GABRA1: variants seen among roughly 807,000 people sequenced by gnomAD.
The protein encoded by GABRA1 is gamma-aminobutyric acid type A receptor subunit alpha1.
A neutral mutation model predicts 48.9 loss-of-function variants in GABRA1; 9 were observed. The ratio of observed to expected loss-of-function variants is 0.18; its 90% CI spans 0.11 to 0.32. The LOEUF (loss-of-function observed/expected upper bound fraction) is 0.32. GABRA1 is among the 10% of genes least tolerant of loss of function. The probability of loss-of-function intolerance (pLI) is 1.00; values close to 1 mark genes in which losing one functional copy is unlikely to be tolerated. For synonymous variants in GABRA1, 210 were observed against 198.7 expected (o/e 1.06, Z -0.48); for missense variants, 285 against 553.8 (o/e 0.51, Z 4.87).
intron 3 of GABRA1, among the ~76,000 whole-genome samples, 165 bp from the exon 4 acceptor site, chr5:161,865,555 GA>G (rs1753797056): frequency 6.6e-6 from 1 of 152,042 alleles, no homozygotes; most frequent in South Asian, 2.1e-4. Flanking sequence ...TATTAACTGT[GA>G]AATTTTATGT....
chr5:161,881,132 T>A (rs1444197389), intron 6 of GABRA1, among the ~76,000 whole-genome samples: 1 of 152,218 alleles, frequency 6.6e-6, no homozygotes, highest in African/African-American at 2.4e-5. Context: ...TCAGGCCCTG[T>A]GCCTAATGGA....
At chr5:161,881,902 GA>G (rs1355328689) in intron 6 of GABRA1, 735 of 58,176 alleles carry the variant, frequency 0.013, 5 homozygotes, top group African/African-American at 0.035. Context: ...ATCAAAAAAA[GA>G]AAAAAAAAAA....
chr5:161,882,173 T>C (rs78969399), intron 6 of GABRA1: 21,759 of 287,270 alleles, frequency 0.076, 1,064 homozygotes, highest in Middle Eastern at 0.12. Context: ...TCTATCCTTT[T>C]ACTCGGTTGT....
At chr5:161,866,821 G>A (rs1014461415) in intron 4 of GABRA1, among the ~76,000 whole-genome samples, 3 of 152,074 alleles carry the variant, frequency 2.0e-5, no homozygotes, top group African/African-American at 7.2e-5. Context: ...AGATATTTTA[G>A]ATTTTAAGAC....
intron 8 of GABRA1, among the ~76,000 whole-genome samples, chr5:161,893,500 A>G (rs1755213648): frequency 6.6e-6 from 1 of 152,054 alleles, no homozygotes; most frequent in South Asian, 2.1e-4. Flanking sequence ...TAGATTCAAA[A>G]AGAAAAAAAC....
chr5:161,873,597 T>TCCTC (rs1476333860), intron 5 of GABRA1, among the ~76,000 whole-genome samples: 3 of 152,186 alleles, frequency 2.0e-5, no homozygotes, highest in Non-Finnish European at 4.4e-5. Context: ...ATAAGGAACT[T>TCCTC]CCTCTCCCTA....
At chr5:161,851,245 A>G (rs1219266822) in intron 2 of GABRA1, among the ~76,000 whole-genome samples, 1 of 152,138 alleles carries the variant, frequency 6.6e-6, no homozygotes, top group Non-Finnish European at 1.5e-5. Flanking sequence ...CAACAAGAAA[A>G]TTTCTAGCCT....
At chr5:161,864,169 G>A (rs1757965264) in intron 3 of GABRA1, among the ~76,000 whole-genome samples, 1 of 151,722 alleles carries the variant, frequency 6.6e-6, no homozygotes. Context: ...TACATCAAGG[G>A]GCTCATTTAA....
intron 3 of GABRA1, among the ~76,000 whole-genome samples, chr5:161,857,486 A>G (rs1757693687): frequency 6.6e-6 from 1 of 151,610 alleles, no homozygotes; most frequent in South Asian, 2.1e-4. Flanking sequence ...GATAGGAATC[A>G]GTTTGCAAAT....
At chr5:161,870,181 C>T (rs1374777857) in intron 4 of GABRA1, among the ~76,000 whole-genome samples, 1 of 152,068 alleles carries the variant, frequency 6.6e-6, no homozygotes, top group Non-Finnish European at 1.5e-5. Flanking sequence ...TTACCTAAGG[C>T]CACTCAGCAG....
At chr5:161,857,845 G>C (rs568847524) in intron 3 of GABRA1, among the ~76,000 whole-genome samples, 1 of 151,514 alleles carries the variant, frequency 6.6e-6, no homozygotes, top group African/African-American at 2.4e-5. Flanking sequence ...GGCAAGGTGT[G>C]GGGGGCTGCT....
At chr5:161,879,478 A>AT (rs1183124434) in intron 6 of GABRA1, among the ~76,000 whole-genome samples, 1 of 152,124 alleles carries the variant, frequency 6.6e-6, no homozygotes, top group Non-Finnish European at 1.5e-5. Context: ...GTAACTTAAA[A>AT]TTTTTGGCTA....
At chr5:161,891,827 C>T (rs980736368) in intron 8 of GABRA1, among the ~76,000 whole-genome samples, 1 of 152,118 alleles carries the variant, frequency 6.6e-6, no homozygotes. Flanking sequence ...ACACAAATCA[C>T]CACTCTCGTT....
chr5:161,882,246 T>A (rs1754648902), intron 6 of GABRA1: 2 of 392,322 alleles, frequency 5.1e-6, no homozygotes, highest in African/African-American at 4.1e-5. Flanking sequence ...TATGTTTTTG[T>A]CCCCACTGCT....
chr5:161,850,828 T>C lies in GABRA1; in HGVS notation c.18T>C (p.Gly6=), dbSNP rs557682926. The C allele has an allele frequency of 1.9e-6, 3 of 1,614,136 alleles. No individual in the cohort carries two copies. The highest frequency in any genetic ancestry group is 4.5e-5 in the East Asian group (2 of 44,878). The stretch of plus-strand genomic sequence containing the variant: ...AGCCCGCGATGAGGAAAAGTCCAGG[T>C]CTGTCTGACTGTCTTTGGGCCTGGA... MRKSP[G]LSDCLWAWIL... Residue 6 remains glycine, a synonymous_variant, in exon 2 of 10, where the codon GGT becomes GGC. Transcript: ENST00000393943.
intron 3 of GABRA1, among the ~76,000 whole-genome samples, chr5:161,865,093 A>G (rs1483257109): frequency 6.6e-6 from 1 of 152,100 alleles, no homozygotes; most frequent in Non-Finnish European, 1.5e-5. Context: ...AGAACAATAT[A>G]ATAAAATCAC....
intron 6 of GABRA1, among the ~76,000 whole-genome samples, chr5:161,879,530 A>T (rs973085519): frequency 2.0e-5 from 3 of 152,178 alleles, no homozygotes; most frequent in Admixed American, 6.6e-5. Flanking sequence ...TCTTATGCTG[A>T]TGTCTCTGGT....
rs1755460726 is a variant in GABRA1, at chr5:161,898,207, T to TA, written c.*789dup. The TA allele has an allele frequency of 6.6e-6, 1 of 152,584 alleles. No homozygotes were observed. The highest frequency in any genetic ancestry group is 1.5e-5 in the Non-Finnish European group (1 of 67,992). The allele number at this position is 152,584 out of a possible 1,614,324, so 9.5% of individuals were successfully genotyped here. ...CATGTATACTCCATAGAAACTAAAC[T>TA]AAAATAGTTTAAAAATATTCCCTTT... is the stretch of plus-strand genomic sequence containing the variant. On this transcript the variant is annotated 3_prime_UTR_variant, in exon 10 of 10. Coordinates refer to ENST00000393943, the MANE Select transcript of GABRA1 (RefSeq NM_001127644.2).
At chr5:161,867,859 C>T (rs944297782) in intron 4 of GABRA1, among the ~76,000 whole-genome samples, 3 of 151,946 alleles carry the variant, frequency 2.0e-5, no homozygotes, top group Non-Finnish European at 4.4e-5. Context: ...AGCTTTCGGC[C>T]ACATATATAG....
Sources: gnomAD v4.1 joint callset for allele counts (sites outside exome capture counted in the v4.1 genomes callset) on GRCh38, gnomAD v4.1.1 for gene constraint, MANE v1.5 for transcripts, NCBI Gene and HGNC (gene_info 2026-07-23, HGNC 2026-07-21) for gene names.